Variants in RANBP2 observed in about 807,000 individuals in gnomAD.
RANBP2 encodes E3 SUMO-protein ligase RanBP2.
A neutral mutation model predicts 303.6 loss-of-function variants in RANBP2; 57 were observed. The ratio of observed to expected loss-of-function variants is 0.19; its 90% CI spans 0.15 to 0.23. The LOEUF is 0.23. Ranked by LOEUF, RANBP2 falls within the 10% of genes least tolerant of loss-of-function variation. The pLI, the probability that RANBP2 is intolerant of heterozygous loss-of-function variation, is 1.00. For missense variants in RANBP2, 3,138 were observed against 3,780.8 expected (o/e 0.83, Z 4.46); for synonymous variants, 1,167 against 1,301.5 (o/e 0.90, Z 2.23).
At position 108,765,271 on chromosome 2, in the gene RANBP2, G is replaced by C. The variant is rs775467593; in HGVS notation, c.4732G>C (p.Val1578Leu). The C allele has an allele frequency of 6.2e-7, 1 of 1,613,736 alleles. No homozygotes were observed. Among genetic ancestry groups the C allele is most frequent in the Non-Finnish European group, 8.5e-7 (1 of 1,179,912 alleles). Residue 1578 changes from valine to leucine, a missense_variant, in exon 20 of 29, where the codon GTT becomes CTT. This residue lies in a region of RANBP2 where 388 missense variants were observed against 328.5 expected (regional missense o/e 1.18). Coordinates refer to ENST00000283195, the MANE Select transcript of RANBP2 (RefSeq NM_006267.5). ...NPDKPSPSTS[V>L]PAPASFKFGT... ...GGATAAACCAAGTCCATCTACTTCT[G>C]TTCCAGCTCCTGCCTCTTTTAAGTT...
the RANBP2 span, among the ~76,000 whole-genome samples, chr2:108,943,363 T>G: frequency 1.3e-5 from 2 of 152,158 alleles, no homozygotes; most frequent in Non-Finnish European, 2.9e-5. Context: ...AGTAAAACCT[T>G]TCATTTCTGG....
At chr2:109,012,663 C>T in the RANBP2 span, among the ~76,000 whole-genome samples, 1 of 152,170 alleles carries the variant, frequency 6.6e-6, no homozygotes, top group Non-Finnish European at 1.5e-5. Context: ...GCCTGTAATC[C>T]CAGCACTTTG....
the RANBP2 span, among the ~76,000 whole-genome samples, chr2:109,495,976 A>C: frequency 1.3e-5 from 2 of 152,230 alleles, no homozygotes; most frequent in Non-Finnish European, 2.9e-5. Context: ...TCGTGGTCTC[A>C]CTGACTTCAA....
At chr2:109,297,279 T>C in the RANBP2 span, among the ~76,000 whole-genome samples, 1 of 152,092 alleles carries the variant, frequency 6.6e-6, no homozygotes, top group Non-Finnish European at 1.5e-5. Context: ...ACAAATGCTG[T>C]ACGTAACAGA....
chr2:109,283,730 G>A, the RANBP2 span, among the ~76,000 whole-genome samples: 1 of 152,182 alleles, frequency 6.6e-6, no homozygotes, highest in Non-Finnish European at 1.5e-5. Flanking sequence ...CTAAATCGCT[G>A]GCCTGAGCCA....
the RANBP2 span, among the ~76,000 whole-genome samples, chr2:109,469,817 C>T: frequency 4.6e-5 from 7 of 152,170 alleles, no homozygotes; most frequent in African/African-American, 1.4e-4. Context: ...AAGGTAGATC[C>T]GAATTTTTCC....
the RANBP2 span, chr2:109,585,352 T>C: frequency 6.6e-7 from 1 of 1,518,334 alleles, no homozygotes; most frequent in Non-Finnish European, 8.9e-7. Flanking sequence ...TCTTTATGGT[T>C]GCATGAATGG....
the RANBP2 span, among the ~76,000 whole-genome samples, chr2:108,923,174 C>T: frequency 6.6e-6 from 1 of 152,224 alleles, no homozygotes; most frequent in Non-Finnish European, 1.5e-5. Context: ...CAGCCTCTGA[C>T]TCAAGGCTCA....
At chr2:109,591,315 G>C in the RANBP2 span, among the ~76,000 whole-genome samples, 1 of 152,102 alleles carries the variant, frequency 6.6e-6, no homozygotes, top group African/African-American at 2.4e-5. Flanking sequence ...TACAATGACA[G>C]GATTTTAATG....
chr2:109,324,517 T>C, the RANBP2 span, among the ~76,000 whole-genome samples: 1 of 152,244 alleles, frequency 6.6e-6, no homozygotes, highest in Non-Finnish European at 1.5e-5. Context: ...ATTAATCTTT[T>C]AGATTTTAAA....
chr2:109,131,173 A>G, the RANBP2 span, among the ~76,000 whole-genome samples: 4 of 152,200 alleles, frequency 2.6e-5, no homozygotes, highest in Admixed American at 6.5e-5. Flanking sequence ...CAGTACTGCA[A>G]ATCTCTAAGG....
chr2:109,312,603 T>G, the RANBP2 span, among the ~76,000 whole-genome samples: 1 of 89,620 alleles, frequency 1.1e-5, no homozygotes, highest in East Asian at 1.7e-3. Flanking sequence ...ACTCTGGAGA[T>G]TTGATATAAG....
chr2:109,047,487 G>C, the RANBP2 span, among the ~76,000 whole-genome samples: 1 of 151,948 alleles, frequency 6.6e-6, no homozygotes, highest in Non-Finnish European at 1.5e-5. Flanking sequence ...GAAACTGAGG[G>C]CTCAAAGAAA....
chr2:109,313,138 C>T, the RANBP2 span, among the ~76,000 whole-genome samples: 2 of 152,174 alleles, frequency 1.3e-5, no homozygotes, highest in Non-Finnish European at 2.9e-5. Context: ...CTGTGCCTGT[C>T]AGCTTCATCT....
At chr2:109,396,947 C>T in the RANBP2 span, among the ~76,000 whole-genome samples, 3 of 152,228 alleles carry the variant, frequency 2.0e-5, no homozygotes, top group Admixed American at 6.5e-5. Flanking sequence ...GAATCCTGTA[C>T]GTCCTTCCTG....
the RANBP2 span, among the ~76,000 whole-genome samples, chr2:108,844,867 C>G: frequency 6.6e-6 from 1 of 151,958 alleles, no homozygotes; most frequent in African/African-American, 2.4e-5. Flanking sequence ...CCTGCCTCAC[C>G]CTCCTGAATA....
the RANBP2 span, among the ~76,000 whole-genome samples, chr2:109,434,583 G>A: frequency 6.6e-6 from 1 of 152,306 alleles, no homozygotes; most frequent in African/African-American, 2.4e-5. Context: ...CTGCTTCTGA[G>A]TTAAATCCCT....
At chr2:109,534,608 C>T in the RANBP2 span, among the ~76,000 whole-genome samples, 1 of 152,006 alleles carries the variant, frequency 6.6e-6, no homozygotes, top group Non-Finnish European at 1.5e-5. Flanking sequence ...AGAGAAACCC[C>T]GTCTCTACTA....
the RANBP2 span, among the ~76,000 whole-genome samples, chr2:109,195,615 G>A: frequency 3.3e-5 from 5 of 152,174 alleles, no homozygotes; most frequent in African/African-American, 1.2e-4. Flanking sequence ...TCGTTTTCTG[G>A]AAGGATGCCT....
Sources: gnomAD v4.1 joint callset for allele counts (sites outside exome capture counted in the v4.1 genomes callset) on GRCh38, gnomAD v4.1.1 for gene constraint, gnomAD v4.1.1 regional missense constraint, MANE v1.5 for transcripts, NCBI Gene and HGNC (gene_info 2026-07-23, HGNC 2026-07-21) for gene names.